The following INPP4B variants were observed in gnomAD, a reference collection of about 807,000 sequenced individuals.
INPP4B encodes inositol polyphosphate-4-phosphatase type II B.
A neutral mutation model predicts 122.5 loss-of-function variants in INPP4B; 55 were observed. The observed-to-expected ratio is 0.45, with a 90% CI of 0.36 to 0.56. The LOEUF (loss-of-function observed/expected upper bound fraction) is 0.56, where lower values mean the gene tolerates loss of function less well. Ranked by LOEUF, INPP4B falls within the 20% of genes least tolerant of loss-of-function variation. The pLI is 0.00. For missense variants in INPP4B, 1,000 were observed against 1,097.7 expected (o/e 0.91, Z 1.26); for synonymous variants, 403 against 388.7 (o/e 1.04, Z -0.43).
chr4:142,128,203 T>TAC (rs1179932330), intron 18 of INPP4B, among the ~76,000 whole-genome samples: 1 of 141,042 alleles, frequency 7.1e-6, no homozygotes, highest in Non-Finnish European at 1.6e-5. Context: ...TATAAATATA[T>TAC]ATATGTGTGT....
intron 5 of INPP4B, among the ~76,000 whole-genome samples, chr4:142,405,566 G>T (rs1334722840): frequency 4.6e-5 from 7 of 152,026 alleles, no homozygotes; most frequent in African/African-American, 1.7e-4. Flanking sequence ...GTCTTTACTG[G>T]TCTGAGATCC....
chr4:142,347,431 C>G, intron 7 of INPP4B: 1 of 407,114 alleles, frequency 2.5e-6, no homozygotes, highest in Non-Finnish European at 4.8e-6. Context: ...CTTTATGAAG[C>G]ACTTGAAGTA....
chr4:142,467,266 G>T (rs1817958894), intron 2 of INPP4B, among the ~76,000 whole-genome samples: 1 of 152,218 alleles, frequency 6.6e-6, no homozygotes, highest in Non-Finnish European at 1.5e-5. Flanking sequence ...TCTAGCCTAG[G>T]AGAGCAGCCG....
intron 2 of INPP4B, among the ~76,000 whole-genome samples, chr4:142,475,425 A>G (rs560980907): frequency 2.2e-4 from 33 of 152,264 alleles, no homozygotes; most frequent in Admixed American, 9.2e-4. Context: ...GCAACTCAAA[A>G]AGGCAGAGTG....
intron 18 of INPP4B, among the ~76,000 whole-genome samples, chr4:142,134,023 T>C (rs1446291143): frequency 1.3e-5 from 2 of 152,228 alleles, no homozygotes; most frequent in Admixed American, 6.5e-5. Context: ...TGTGTTACTT[T>C]TTATTGTCTC....
intron 12 of INPP4B, among the ~76,000 whole-genome samples, chr4:142,234,426 C>T (rs1378336201): frequency 6.6e-6 from 1 of 152,044 alleles, no homozygotes; most frequent in East Asian, 1.9e-4. Flanking sequence ...AGTTGGTTCT[C>T]TTTGTATAGA....
chr4:142,417,173 A>C (rs1030637457), intron 5 of INPP4B, among the ~76,000 whole-genome samples: 1 of 152,204 alleles, frequency 6.6e-6, no homozygotes, highest in African/African-American at 2.4e-5. Flanking sequence ...AGAAAGCTTC[A>C]GAGCCCTAGG....
intron 3 of INPP4B, among the ~76,000 whole-genome samples, chr4:142,452,676 T>C (rs1497404): frequency 0.014 from 2,162 of 152,290 alleles, 22 homozygotes; most frequent in Middle Eastern, 0.037. Flanking sequence ...TTTGTTTTGA[T>C]GTGAGCTTTT....
intron 22 of INPP4B, among the ~76,000 whole-genome samples, chr4:142,110,891 A>T (rs1452834523): frequency 1.3e-5 from 2 of 152,148 alleles, no homozygotes; most frequent in South Asian, 2.1e-4. Context: ...TAAATGGAAG[A>T]GTCTCATATC....
At chr4:142,523,461 G>T (rs1826372695) in intron 2 of INPP4B, among the ~76,000 whole-genome samples, 1 of 151,954 alleles carries the variant, frequency 6.6e-6, no homozygotes, top group South Asian at 2.1e-4. Context: ...TTCAGTTATA[G>T]GTTTTATTTT....
intron 16 of INPP4B, among the ~76,000 whole-genome samples, chr4:142,166,834 A>G (rs1388263631): frequency 6.6e-6 from 1 of 151,932 alleles, no homozygotes; most frequent in Non-Finnish European, 1.5e-5. Flanking sequence ...CAAAACCACA[A>G]TGAGATACTG....
chr4:142,211,128 T>C (rs183357336), intron 12 of INPP4B, among the ~76,000 whole-genome samples: 2 of 152,236 alleles, frequency 1.3e-5, no homozygotes, highest in African/African-American at 4.8e-5. Flanking sequence ...TCTCTCCACA[T>C]TGAGAAAAGT....
At chr4:142,791,910 C>T (rs934006290) in intron 1 of INPP4B, among the ~76,000 whole-genome samples, 3 of 152,020 alleles carry the variant, frequency 2.0e-5, no homozygotes, top group Non-Finnish European at 4.4e-5. Context: ...GCTCACAGCC[C>T]ACCTCCAACA....
At position 142,073,590 on chromosome 4, in the gene INPP4B, T is replaced by C. The variant is rs921277492; in HGVS notation, c.2642+8441A>G. Among the ~76,000 whole-genome samples the C allele has an allele frequency of 6.6e-5, 10 of 152,228 alleles. No homozygotes were observed. In the East Asian group the frequency reaches 1.9e-3, roughly 29 times the overall value. On this transcript the variant is annotated intron_variant, in intron 25 of 25. Transcript: ENST00000262992. ...CAAGAAGTTTTAGACAGTATAATGA[T>C]AATTCACTGAATTAATGGTTTTGGA...
chr4:142,840,685 T>TA (rs1329443941), intron 1 of INPP4B, among the ~76,000 whole-genome samples: 2 of 152,112 alleles, frequency 1.3e-5, no homozygotes, highest in Non-Finnish European at 2.9e-5. Flanking sequence ...ATATTGCACT[T>TA]AAAATGACTC....
At chr4:142,039,582 T>TAAAAAGTGCTTTATTA (rs1327166170) in intron 25 of INPP4B, among the ~76,000 whole-genome samples, 9 of 150,610 alleles carry the variant, frequency 6.0e-5, no homozygotes, top group Non-Finnish European at 1.0e-4. Context: ...TATGAAATTT[T>TAAAAAGTGCTTTATTA]AAAAAGTGCT....
chr4:142,084,325 T>A (rs1415985192), intron 24 of INPP4B, among the ~76,000 whole-genome samples: 1 of 152,014 alleles, frequency 6.6e-6, no homozygotes, highest in Non-Finnish European at 1.5e-5. Flanking sequence ...GTTTCACTGT[T>A]GGCCAGGATG....
At chr4:142,494,462 C>T (rs1822274466) in intron 2 of INPP4B, among the ~76,000 whole-genome samples, 2 of 152,062 alleles carry the variant, frequency 1.3e-5, no homozygotes, top group Non-Finnish European at 2.9e-5. Flanking sequence ...CCCATCAATA[C>T]AACTATTATT....
At chr4:142,347,362 C>A in intron 7 of INPP4B, 1 of 252,984 alleles carries the variant, frequency 4.0e-6, no homozygotes, top group Non-Finnish European at 7.8e-6. Context: ...GTGCTACATA[C>A]ATTCCAATTA....
Sources: gnomAD v4.1 joint callset for allele counts (sites outside exome capture counted in the v4.1 genomes callset) on GRCh38, gnomAD v4.1.1 for gene constraint, MANE v1.5 for transcripts, NCBI Gene and HGNC (gene_info 2026-07-23, HGNC 2026-07-21) for gene names.